Variants in ANKRD13A observed in about 807,000 individuals in gnomAD.
The protein encoded by ANKRD13A is ankyrin repeat domain 13A.
A neutral mutation model predicts 81.3 loss-of-function variants in ANKRD13A; 48 were observed. The ratio of observed to expected loss-of-function variants is 0.59; its 90% CI spans 0.47 to 0.75. The LOEUF (loss-of-function observed/expected upper bound fraction) is 0.75, where lower values mean the gene tolerates loss of function less well. Ranked by LOEUF, ANKRD13A falls within the 30% of genes least tolerant of loss-of-function variation. The pLI is 0.00. For missense variants in ANKRD13A, 612 were observed against 734.0 expected (o/e 0.83, Z 1.92); for synonymous variants, 230 against 270.1 (o/e 0.85, Z 1.45).
intron 1 of ANKRD13A, among the ~76,000 whole-genome samples, chr12:110,007,689 T>C (rs1453251846): frequency 6.6e-6 from 1 of 152,246 alleles, no homozygotes; most frequent in African/African-American, 2.4e-5. Context: ...CAGTTCTTCT[T>C]TAATTTTTTT....
chr12:110,035,629 T>C (rs1891996448), intron 13 of ANKRD13A, among the ~76,000 whole-genome samples: 1 of 152,034 alleles, frequency 6.6e-6, no homozygotes, highest in Non-Finnish European at 1.5e-5. Context: ...TTTGTGTTTT[T>C]AGTAGAGACG....
chr12:110,037,623 G>GGCCCTTA lies in ANKRD13A; in HGVS notation c.*74_*75insTAGCCCT. ...CTGTCACAGATGCTGTGTCAACCAG[G>GGCCCTTA]GCCCTAGGGCTAAGGGCCTGCACCT... On this transcript the variant is annotated 3_prime_UTR_variant, in exon 15 of 15. Coordinates refer to ENST00000261739, the MANE Select transcript of ANKRD13A (RefSeq NM_033121.2). The GGCCCTTA allele has an allele frequency of 2.0e-6, 3 of 1,516,330 alleles. No homozygotes were observed. Among genetic ancestry groups the GGCCCTTA allele is most frequent in the Non-Finnish European group, 2.7e-6 (3 of 1,124,836 alleles). 93.9% of individuals were successfully genotyped at this position (1,516,330 alleles called of 1,614,324 possible). A position where few individuals can be genotyped will look rare whatever the true frequency, so the allele number is the denominator to read the frequency against.
intron 13 of ANKRD13A, 28 bp downstream of exon 13, chr12:110,033,985 A>G (rs369794302): frequency 1.6e-5 from 26 of 1,576,482 alleles, no homozygotes; most frequent in Non-Finnish European, 1.9e-5. Flanking sequence ...CTCTAATGGC[A>G]GGGCGTGGGA....
chr12:110,020,057 A>T (rs983566737), intron 6 of ANKRD13A, among the ~76,000 whole-genome samples: 2 of 152,202 alleles, frequency 1.3e-5, no homozygotes, highest in African/African-American at 2.4e-5. Context: ...GTATTTGCCT[A>T]GGATGTCACA....
chr12:110,033,342 G>A (rs971857066), intron 12 of ANKRD13A, among the ~76,000 whole-genome samples: 6 of 151,908 alleles, frequency 3.9e-5, no homozygotes, highest in African/African-American at 1.5e-4. Flanking sequence ...GACTACAGGC[G>A]TGAGCCACCG....
At chr12:110,035,640 G>T (rs1323522370) in intron 13 of ANKRD13A, among the ~76,000 whole-genome samples, 1 of 151,982 alleles carries the variant, frequency 6.6e-6, no homozygotes, top group African/African-American at 2.4e-5. Context: ...AGTAGAGACG[G>T]GGTTTTACCA....
At chr12:110,016,761 TTTTTA>T (rs1447013340) in intron 4 of ANKRD13A, among the ~76,000 whole-genome samples, 2 of 152,006 alleles carry the variant, frequency 1.3e-5, no homozygotes, top group African/African-American at 4.8e-5. Flanking sequence ...TTATTTTTAT[TTTTTA>T]TTTTATTTTT....
intron 6 of ANKRD13A, among the ~76,000 whole-genome samples, chr12:110,023,205 G>A (rs1041467862): frequency 1.3e-5 from 2 of 152,184 alleles, no homozygotes; most frequent in Non-Finnish European, 2.9e-5. Flanking sequence ...GGGTAGGGCT[G>A]GTCAGGGATC....
At chr12:110,034,658 G>A (rs1891916394) in intron 13 of ANKRD13A, among the ~76,000 whole-genome samples, 1 of 152,090 alleles carries the variant, frequency 6.6e-6, no homozygotes, top group African/African-American at 2.4e-5. Context: ...ACCTACCTGG[G>A]ACAGTCCAAG....
rs1014004140 is a variant in ANKRD13A at position 110,031,674 on chromosome 12, A to C, written c.1348+916A>C. On this transcript the variant is annotated intron_variant, in intron 12 of 14. Coordinates refer to ENST00000261739, the MANE Select transcript of ANKRD13A (RefSeq NM_033121.2). ...GACAAATGTATGCATCTGTGTAACC[A>C]CCACCATAGTCAAGGTAGACAGCAT... Among the ~76,000 whole-genome samples the C allele has an allele frequency of 3.9e-5, 6 of 152,138 alleles. 1 individual carries two copies. The highest frequency in any genetic ancestry group is 3.9e-4 in the Admixed American group (6 of 15,260).
chr12:110,018,597 G>A lies in ANKRD13A; in HGVS notation c.544+109G>A, dbSNP rs1890915111. ...TGACTTTTCTGTCTGATCCTTCCTA[G>A]GGCATGTTTTTTTGGTTATTCTTAT... On this transcript the variant is annotated intron_variant, in intron 5 of 14. Coordinates refer to ENST00000261739, the MANE Select transcript of ANKRD13A (RefSeq NM_033121.2). This position sits in a 1 kb window ranked among gnomAD's most constrained non-coding sequence, Gnocchi z 4.4. 7.5e-7 allele frequency: 1 copy of A among 1,326,662 alleles called. No individual in the cohort carries two copies. The highest frequency in any genetic ancestry group is 1.5e-5 in the South Asian group (1 of 68,124). 82.2% of individuals were successfully genotyped at this position (1,326,662 alleles called of 1,614,324 possible).
At chr12:110,020,296 C>T (rs7976663) in intron 6 of ANKRD13A, among the ~76,000 whole-genome samples, 10,779 of 152,224 alleles carry the variant, frequency 0.071, 633 homozygotes, top group African/African-American at 0.16. Flanking sequence ...GGACTTAGGC[C>T]TTCTTTTCTC....
rs1188168511 is a variant in ANKRD13A at position 110,038,643 on chromosome 12, T to C, written c.*1089T>C. On this transcript the variant is annotated 3_prime_UTR_variant, in exon 15 of 15. Transcript: ENST00000261739. ...ATCAACATCTTTCTGGATAAATCTA[T>C]TTTTTAACAATCTTTTTATTATTTG... The C allele has an allele frequency of 6.6e-6, 1 of 152,652 alleles. No individual in the cohort carries two copies. The highest frequency in any genetic ancestry group is 2.4e-5 in the African/African-American group (1 of 41,462). 9.5% of individuals were successfully genotyped at this position (152,652 alleles called of 1,614,324 possible). A position where few individuals can be genotyped will look rare whatever the true frequency, so the allele number is the denominator to read the frequency against.
intron 1 of ANKRD13A, among the ~76,000 whole-genome samples, chr12:110,003,100 T>C (rs530351252): frequency 6.6e-6 from 1 of 152,352 alleles, no homozygotes; most frequent in South Asian, 2.1e-4. Context: ...CTGTTAAACT[T>C]CTTTGGCCTT....
At chr12:110,017,973 T>G (rs1890878147) in intron 4 of ANKRD13A, among the ~76,000 whole-genome samples, 2 of 151,784 alleles carry the variant, frequency 1.3e-5, no homozygotes, top group Non-Finnish European at 2.9e-5. Context: ...TTTGATACTC[T>G]GAATGGTGGA....
chr12:110,013,265 T>C lies in ANKRD13A; in HGVS notation c.354+16T>C. 2 of 1,613,834 alleles carry C rather than the reference T, an allele frequency of 1.2e-6. No individual in the cohort carries two copies. Among genetic ancestry groups the C allele is most frequent in the South Asian group, 1.1e-5 (1 of 91,002 alleles). ...AATTCTCGAGGTATCCATGAAAATG[T>C]GGCCAGGCCATAATCTGAGCTAAAT... On this transcript the variant is annotated intron_variant, in intron 3 of 14. Coordinates refer to ENST00000261739, the MANE Select transcript of ANKRD13A (RefSeq NM_033121.2).
chr12:110,027,932 A>G, intron 9 of ANKRD13A, 166 bp downstream of exon 9: 3 of 625,432 alleles, frequency 4.8e-6, no homozygotes, highest in Non-Finnish European at 5.7e-6. Context: ...TAGATGAGTG[A>G]CTCTTTGAAA....
intron 1 of ANKRD13A, among the ~76,000 whole-genome samples, chr12:110,003,220 G>C (rs940045128): frequency 1.3e-5 from 2 of 152,194 alleles, no homozygotes. Flanking sequence ...GGTGGCAAAT[G>C]AGGCCTGACT....
intron 4 of ANKRD13A, among the ~76,000 whole-genome samples, chr12:110,017,746 A>G (rs1890865077): frequency 6.6e-6 from 1 of 152,142 alleles, no homozygotes; most frequent in South Asian, 2.1e-4. Flanking sequence ...CAGCCTGGCC[A>G]ACATGGTGAA....
Sources: gnomAD v4.1 joint callset for allele counts (sites outside exome capture counted in the v4.1 genomes callset) on GRCh38, gnomAD v4.1.1 for gene constraint, Gnocchi (gnomAD v3.1) non-coding constraint, MANE v1.5 for transcripts, NCBI Gene and HGNC (gene_info 2026-07-23, HGNC 2026-07-21) for gene names.